The following DPP6 variants were observed in gnomAD, a reference collection of about 807,000 sequenced individuals.
DPP6 encodes the protein A-type potassium channel modulatory protein DPP6.
In DPP6, 69 loss-of-function variants were observed where a neutral mutation model predicts 122.6. The observed-to-expected ratio is 0.56, with a 90% CI of 0.46 to 0.69. The LOEUF is 0.69. Among genes scored for constraint, DPP6 ranks in the 30% least tolerant of loss-of-function variants. The probability of loss-of-function intolerance (pLI) is 0.00; values close to 1 mark genes in which losing one functional copy is unlikely to be tolerated. For missense variants in DPP6, 928 were observed against 1,116.9 expected, an observed-to-expected ratio of 0.83 and a Z score of 2.41; for synonymous variants, 418 against 433.1, an observed-to-expected ratio of 0.97 and a Z score of 0.43.
intron 6 of DPP6, among the ~76,000 whole-genome samples, chr7:154,647,420 A>C: frequency 6.6e-6 from 1 of 152,224 alleles, no homozygotes; most frequent in East Asian, 1.9e-4. Flanking sequence ...TGGAGAAATA[A>C]GGGTAGATCT....
chr7:154,305,030 GCCCCAGCC>G (rs1806179017), intron 1 of DPP6: 1 of 12,176 alleles, frequency 8.2e-5, no homozygotes, highest in Non-Finnish European at 1.7e-4. Context: ...CCCAGCCCCA[GCCCCAGCC>G]CCAGCCCCAG....
At chr7:154,670,587 A>G (rs1003759927) in intron 7 of DPP6, among the ~76,000 whole-genome samples, 2 of 152,228 alleles carry the variant, frequency 1.3e-5, no homozygotes, top group Non-Finnish European at 2.9e-5. Context: ...ACGTGCAGAA[A>G]GTCCCTCAGG....
rs963714660 is a variant in DPP6 at position 154,486,436 on chromosome 7, A to G, written c.457+11399A>G. On this transcript the variant is annotated intron_variant, in intron 3 of 25. Transcript: ENST00000377770. This position sits in a 1 kb window ranked among gnomAD's most constrained non-coding sequence, Gnocchi z 4.5. ...TGTGAGCCACCATGCCCGGCCACTC[A>G]TGGCCTCTATTACCACGTTCCTGGC... 2.0e-5 allele frequency among the ~76,000 whole-genome samples: 3 copies of G among 152,116 alleles called. No individual in the cohort carries two copies. The highest frequency in any genetic ancestry group is 4.8e-5 in the African/African-American group (2 of 41,420).
intron 1 of DPP6, among the ~76,000 whole-genome samples, chr7:153,988,573 C>G (rs1422146257): frequency 1.3e-5 from 2 of 152,188 alleles, no homozygotes; most frequent in Non-Finnish European, 2.9e-5. Context: ...GGAAGGAGGC[C>G]GTTCCCAGCC....
intron 16 of DPP6, among the ~76,000 whole-genome samples, chr7:154,816,109 C>T (rs1033582924): frequency 2.0e-5 from 3 of 152,094 alleles, no homozygotes; most frequent in Non-Finnish European, 4.4e-5. Context: ...TACAGCTTCG[C>T]GACCTTGGGC....
Position 154,886,485 on chromosome 7 carries a change from A to G in DPP6, c.2245+741A>G, listed in dbSNP as rs538215205. Among the ~76,000 whole-genome samples the G allele has an allele frequency of 3.9e-5, 6 of 152,310 alleles. No individual in the cohort carries two copies. The East Asian group carries it at 5.8e-4, about 15-fold the overall frequency. On this transcript the variant is annotated intron_variant, in intron 22 of 25. Coordinates refer to ENST00000377770, the MANE Select transcript of DPP6 (RefSeq NM_130797.4). The stretch of plus-strand genomic sequence containing the variant: ...TGCATTCTCCTCCTTATGGTCACCC[A>G]ACCCTTTTTCTCTGAACCTGAGCTC...
At chr7:153,794,250 A>T in the DPP6 span, among the ~76,000 whole-genome samples, 4 of 152,230 alleles carry the variant, frequency 2.6e-5, no homozygotes, top group African/African-American at 9.6e-5. Context: ...AGCAGCTGGG[A>T]TGGAGGCTGT....
intron 1 of DPP6, among the ~76,000 whole-genome samples, chr7:154,089,464 C>T (rs1439251817): frequency 1.6e-5 from 2 of 128,420 alleles, no homozygotes; most frequent in East Asian, 2.2e-4. Flanking sequence ...CACACCCCTC[C>T]GTTCTCCCCA....
At chr7:154,871,249 A>C (rs1804371081) in intron 18 of DPP6, among the ~76,000 whole-genome samples, 1 of 152,056 alleles carries the variant, frequency 6.6e-6, no homozygotes, top group Admixed American at 6.5e-5. Context: ...GACCTTTCAA[A>C]GCACAAAGCC....
chr7:153,975,251 AAATT>A (rs1348045623), intron 1 of DPP6, among the ~76,000 whole-genome samples: 55 of 18,942 alleles, frequency 2.9e-3, no homozygotes, highest in Admixed American at 9.1e-3. Context: ...TAAAAAAAAA[AAATT>A]ATTTCACTTA....
At chr7:153,931,888 C>G (rs1487179351) in intron 1 of DPP6, among the ~76,000 whole-genome samples, 1 of 152,212 alleles carries the variant, frequency 6.6e-6, no homozygotes, top group Non-Finnish European at 1.5e-5. Flanking sequence ...AGCTGAGGAT[C>G]TGCTGAGTGC....
chr7:154,749,887 G>C (rs1226589087), intron 8 of DPP6, among the ~76,000 whole-genome samples: 4 of 134,312 alleles, frequency 3.0e-5, no homozygotes, highest in African/African-American at 1.2e-4. Flanking sequence ...GAGGGTGAGA[G>C]AGCATAGGAT....
At chr7:154,810,009 A>G (rs1394929143) in intron 16 of DPP6, among the ~76,000 whole-genome samples, 3 of 152,220 alleles carry the variant, frequency 2.0e-5, no homozygotes, top group Non-Finnish European at 4.4e-5. Context: ...AGCTGGGATT[A>G]CATGGATACA....
Position 154,475,004 on chromosome 7 carries a change from A to C in DPP6, c.424A>C (p.Lys142Gln). The C allele has an allele frequency of 6.2e-7, 1 of 1,613,856 alleles. No homozygotes were observed. Among genetic ancestry groups the C allele is most frequent in the Non-Finnish European group, 8.5e-7 (1 of 1,179,784 alleles). Residue 142 changes from lysine to glutamine, a missense_variant, in exon 3 of 26, where the codon AAA (lysine) becomes CAA (glutamine). Physicochemically the swap from Lys to Gln is moderately conservative, Grantham distance 53. Transcript: ENST00000377770. Reference sequence around the variant, plus strand: ...AGAAGATCTCTTCAGTGAAGACTTCAAAATTCATGACCCCGAGGCTAAGTG... The same window carrying C: ...AGAAGATCTCTTCAGTGAAGACTTCCAAATTCATGACCCCGAGGCTAAGTG... The part of the protein sequence containing the change: ...TVEDLFSEDF[K>Q]IHDPEAKWIS...
chr7:154,077,970 A>G (rs187590086), intron 1 of DPP6, among the ~76,000 whole-genome samples: 338 of 152,252 alleles, frequency 2.2e-3, no homozygotes, highest in Non-Finnish European at 3.9e-3. Context: ...CTCCCGGCCA[A>G]TAGATTATAG....
At chr7:154,887,151 C>A (rs1314125022) in intron 22 of DPP6, among the ~76,000 whole-genome samples, 1 of 152,210 alleles carries the variant, frequency 6.6e-6, no homozygotes, top group Admixed American at 6.5e-5. Flanking sequence ...TGGGCGCCCT[C>A]AGGCTTACCC....
chr7:154,250,358 A>G (rs74726222), intron 1 of DPP6, among the ~76,000 whole-genome samples: 5,945 of 152,036 alleles, frequency 0.039, 192 homozygotes, highest in East Asian at 0.14. Flanking sequence ...AACAGGAATG[A>G]TCTCCCCATG....
Position 154,875,973 on chromosome 7 carries a change from A to G in DPP6, c.1951A>G (p.Ser651Gly), listed in dbSNP as rs773477014. ...FEVSWETVMV[S>G]SHGAVVVKCD... ...GGTGAGCTGGGAGACGGTGATGGTG[A>G]GCAGCCACGGCGCGGTGGTGGTAAA... The change falls in exon 20 of 26, where the codon AGC becomes GGC. Residue 651 changes from serine to glycine, a missense_variant. By Grantham distance (56) the Ser-to-Gly change is moderately conservative. Transcript: ENST00000377770. This position sits in a 1 kb window ranked among gnomAD's most constrained non-coding sequence, Gnocchi z 4.5. 6.2e-7 allele frequency: 1 copy of G among 1,613,548 alleles called. No homozygotes were observed. The highest frequency in any genetic ancestry group is 8.5e-7 in the Non-Finnish European group (1 of 1,179,770).
At chr7:154,388,634 C>T (rs570600145) in intron 1 of DPP6, among the ~76,000 whole-genome samples, 2 of 152,190 alleles carry the variant, frequency 1.3e-5, no homozygotes, top group South Asian at 4.2e-4. Context: ...GATGCCCAGG[C>T]CAGCGTGCTC....
Sources: allele counts gnomAD v4.1 joint callset (sites outside exome capture counted in the v4.1 genomes callset), GRCh38; gene constraint gnomAD v4.1.1; non-coding constraint Gnocchi (gnomAD v3.1); transcripts MANE v1.5; gene names NCBI Gene and HGNC (gene_info 2026-07-23, HGNC 2026-07-21).